RBFOX1: variants seen among roughly 807,000 people sequenced by gnomAD.
The protein encoded by RBFOX1 is RNA binding protein fox-1 homolog 1.
RBFOX1 carries 8 observed loss-of-function variants against 57.7 expected under a neutral mutation model. The ratio of observed to expected loss-of-function variants is 0.14; its 90% CI spans 0.08 to 0.25. The LOEUF (loss-of-function observed/expected upper bound fraction) is 0.25, where lower values mean the gene tolerates loss of function less well. Ranked by LOEUF, RBFOX1 falls within the 10% of genes least tolerant of loss-of-function variation. RBFOX1 has a pLI of 1.00. For missense variants in RBFOX1, 611 were observed against 548.5 expected, an observed-to-expected ratio of 1.11 and a Z score of -1.14; for synonymous variants, 326 against 222.4, an observed-to-expected ratio of 1.47 and a Z score of -4.15.
intron 4 of RBFOX1, among the ~76,000 whole-genome samples, chr16:7,428,798 C>T (rs1378742015): frequency 6.6e-6 from 1 of 152,032 alleles, no homozygotes; most frequent in African/African-American, 2.4e-5. Context: ...GGGCAATTCA[C>T]TTCCCCTCTC....
At chr16:6,781,061 A>G (rs2080935609) in intron 3 of RBFOX1, among the ~76,000 whole-genome samples, 1 of 152,102 alleles carries the variant, frequency 6.6e-6, no homozygotes. Context: ...CTCAAAAAGT[A>G]TTTACCCACA....
chr16:6,040,201 A>G (rs2095420898), intron 1 of RBFOX1, among the ~76,000 whole-genome samples: 1 of 152,258 alleles, frequency 6.6e-6, no homozygotes, highest in Admixed American at 6.5e-5. Flanking sequence ...ATTGTAAAAT[A>G]CACATAAAAT....
chr16:6,959,902 C>G (rs1055831025), intron 3 of RBFOX1, among the ~76,000 whole-genome samples: 3 of 152,154 alleles, frequency 2.0e-5, no homozygotes, highest in Non-Finnish European at 4.4e-5. Flanking sequence ...TGCCATTGCA[C>G]TCTAGCCTGG....
intron 3 of RBFOX1, among the ~76,000 whole-genome samples, chr16:5,738,253 G>A (rs1382825604): frequency 6.6e-6 from 1 of 151,924 alleles, no homozygotes; most frequent in Non-Finnish European, 1.5e-5. Flanking sequence ...AAGGCAGGGT[G>A]TTTAGGGTAT....
At chr16:6,365,676 T>G (rs1201128677) in intron 2 of RBFOX1, among the ~76,000 whole-genome samples, 3 of 152,194 alleles carry the variant, frequency 2.0e-5, no homozygotes, top group African/African-American at 7.2e-5. Context: ...CAATGTGGTA[T>G]AGTGGAAAGA....
intron 1 of RBFOX1, among the ~76,000 whole-genome samples, chr16:6,292,379 T>C (rs866149323): frequency 2.6e-5 from 4 of 152,304 alleles, no homozygotes; most frequent in African/African-American, 9.6e-5. Flanking sequence ...TTTTTTTTTT[T>C]TTTTTAAGAA....
chr16:7,702,655 G>A (rs1273555423), intron 14 of RBFOX1, among the ~76,000 whole-genome samples: 2 of 152,220 alleles, frequency 1.3e-5, no homozygotes, highest in East Asian at 1.9e-4. Context: ...TTCTTTTCCT[G>A]GCCAATATTG....
At chr16:6,854,881 A>G (rs549463903) in intron 3 of RBFOX1, among the ~76,000 whole-genome samples, 13 of 152,110 alleles carry the variant, frequency 8.5e-5, no homozygotes, top group Non-Finnish European at 1.6e-4. Flanking sequence ...GGCGTGAGCC[A>G]CCGCGCCCAG....
At chr16:6,867,215 T>G (rs2060093967) in intron 3 of RBFOX1, among the ~76,000 whole-genome samples, 1 of 152,070 alleles carries the variant, frequency 6.6e-6, no homozygotes, top group African/African-American at 2.4e-5. Flanking sequence ...TATATAAGTC[T>G]TTCTGTAGGG....
intron 4 of RBFOX1, among the ~76,000 whole-genome samples, chr16:7,349,366 C>G (rs1485559183): frequency 6.6e-6 from 1 of 152,160 alleles, no homozygotes; most frequent in Non-Finnish European, 1.5e-5. Flanking sequence ...TTCGCTTTCT[C>G]TCTTAAAAAC....
Position 7,711,021 on chromosome 16 carries a change from T to C in RBFOX1, c.*276T>C, listed in dbSNP as rs541138615. On this transcript the variant is annotated 3_prime_UTR_variant, in exon 16 of 16. Transcript: ENST00000550418. ...ATCTAGACAGATGCTAGATAATGAATAAAAACTGGTTTAGGGCCATATCCA... is the reference window on the plus strand; with the variant it reads ...ATCTAGACAGATGCTAGATAATGAACAAAAACTGGTTTAGGGCCATATCCA... 1 of 312,020 alleles carries C rather than the reference T, an allele frequency of 3.2e-6. No homozygotes were observed. Among genetic ancestry groups the C allele is most frequent in the East Asian group, 5.7e-5 (1 of 17,416 alleles). The allele number at this position is 312,020 out of a possible 1,614,324, so 19.3% of individuals were successfully genotyped here. A position where few individuals can be genotyped will look rare whatever the true frequency, so the allele number is the denominator to read the frequency against.
At chr16:6,337,459 A>C (rs969752377) in intron 2 of RBFOX1, among the ~76,000 whole-genome samples, 4 of 152,232 alleles carry the variant, frequency 2.6e-5, no homozygotes, top group African/African-American at 9.6e-5. Flanking sequence ...CGAGAATACG[A>C]ATATATGTTG....
intron 3 of RBFOX1, among the ~76,000 whole-genome samples, chr16:6,771,718 G>A (rs1049409896): frequency 3.3e-5 from 5 of 152,190 alleles, no homozygotes; most frequent in South Asian, 2.1e-4. Flanking sequence ...TGCTACTGGC[G>A]TCTAGCGGGT....
chr16:7,414,178 A>T (rs983638633), intron 4 of RBFOX1, among the ~76,000 whole-genome samples: 20 of 152,352 alleles, frequency 1.3e-4, no homozygotes, highest in African/African-American at 4.8e-4. Context: ...CAAGTGTTTC[A>T]CATACACTTC....
At chr16:6,558,416 A>G (rs1247280655) in intron 2 of RBFOX1, among the ~76,000 whole-genome samples, 1 of 152,126 alleles carries the variant, frequency 6.6e-6, no homozygotes, top group East Asian at 1.9e-4. Context: ...TGAACTGTGC[A>G]TTTTTTAGTT....
intron 4 of RBFOX1, among the ~76,000 whole-genome samples, chr16:5,933,000 T>C (rs563917439): frequency 1.5e-4 from 23 of 152,304 alleles, no homozygotes; most frequent in Middle Eastern, 3.4e-3. Flanking sequence ...ATGACGCCAC[T>C]TAGCTGTGGT....
downstream of RBFOX1, among the ~76,000 whole-genome samples, chr16:5,603,658 A>T (rs941351512): frequency 2.6e-5 from 4 of 152,150 alleles, no homozygotes; most frequent in Non-Finnish European, 5.9e-5. Flanking sequence ...AGAAAAAATG[A>T]GGGTCTTTGC....
intron 4 of RBFOX1, among the ~76,000 whole-genome samples, chr16:7,345,066 G>A (rs1057316867): frequency 6.6e-6 from 1 of 151,890 alleles, no homozygotes. Flanking sequence ...GCTGGGACTG[G>A]GTCTTGTGGC....
At chr16:6,977,260 G>T (rs1157496947) in intron 3 of RBFOX1, among the ~76,000 whole-genome samples, 1 of 150,346 alleles carries the variant, frequency 6.7e-6, no homozygotes, top group East Asian at 1.9e-4. Context: ...GGGCAGATTT[G>T]CTCTGCTACA....
Sources: allele counts gnomAD v4.1 joint callset (sites outside exome capture counted in the v4.1 genomes callset), GRCh38; gene constraint gnomAD v4.1.1; transcripts MANE v1.5; gene names NCBI Gene and HGNC (gene_info 2026-07-23, HGNC 2026-07-21).